The following ROBO2 variants were observed in gnomAD, a reference collection of about 807,000 sequenced individuals.
ROBO2 encodes the protein roundabout homolog 2.
Under a neutral mutation model 160.8 loss-of-function variants are expected in ROBO2, and 53 were observed. The observed-to-expected ratio is 0.33, with a 90% CI of 0.26 to 0.41. ROBO2 has a LOEUF of 0.41. Ranked by LOEUF, ROBO2 falls within the 10% of genes least tolerant of loss-of-function variation. The probability of loss-of-function intolerance (pLI) is 1.00; values close to 1 mark genes in which losing one functional copy is unlikely to be tolerated. For synonymous variants in ROBO2, 664 were observed against 611.7 expected (o/e 1.09, Z -1.26); for missense variants, 1,577 against 1,722.4 (o/e 0.92, Z 1.49).
chr3:76,421,528 A>G (rs2075995544), intron 2 of ROBO2, among the ~76,000 whole-genome samples: 1 of 152,010 alleles, frequency 6.6e-6, no homozygotes. Context: ...GGAGTGTGAC[A>G]CCAGCCTGAC....
intron 2 of ROBO2, among the ~76,000 whole-genome samples, chr3:76,214,856 A>T (rs1383980237): frequency 6.6e-6 from 1 of 152,210 alleles, no homozygotes; most frequent in Non-Finnish European, 1.5e-5. Flanking sequence ...GAACGGGCAG[A>T]CTGCCTCCTC....
chr3:75,932,053 G>T (rs544328846), intron 1 of ROBO2, among the ~76,000 whole-genome samples: 1 of 152,188 alleles, frequency 6.6e-6, no homozygotes, highest in South Asian at 2.1e-4. Flanking sequence ...TATGGGCCAG[G>T]GTATATAGTC....
chr3:77,067,207 T>C (rs1355842167), intron 1 of ROBO2, among the ~76,000 whole-genome samples: 1 of 152,158 alleles, frequency 6.6e-6, no homozygotes, highest in African/African-American at 2.4e-5. Context: ...CAAAACATCC[T>C]AACTGAAGCC....
At chr3:77,409,921 T>G (rs893017030) in intron 2 of ROBO2, among the ~76,000 whole-genome samples, 9 of 152,190 alleles carry the variant, frequency 5.9e-5, no homozygotes, top group African/African-American at 2.2e-4. Context: ...TAACTTGAAG[T>G]CTACAGATGT....
chr3:77,231,354 G>A (rs2087168723), intron 2 of ROBO2, among the ~76,000 whole-genome samples: 1 of 99,506 alleles, frequency 1.0e-5, no homozygotes, highest in Admixed American at 1.6e-4. Context: ...CAGTGAGTGA[G>A]ACTCCATCCA....
intron 2 of ROBO2, among the ~76,000 whole-genome samples, chr3:76,629,183 T>C (rs1028291846): frequency 6.6e-6 from 1 of 152,176 alleles, no homozygotes; most frequent in Non-Finnish European, 1.5e-5. Flanking sequence ...AAAAAAACAC[T>C]TGGATGTAAG....
intron 2 of ROBO2, among the ~76,000 whole-genome samples, chr3:77,266,834 G>A (rs2153347275): frequency 6.6e-6 from 1 of 152,196 alleles, no homozygotes; most frequent in African/African-American, 2.4e-5. Context: ...AGGTATTTAA[G>A]CATGTTGTTG....
At chr3:77,249,492 G>A (rs543152677) in intron 2 of ROBO2, among the ~76,000 whole-genome samples, 4 of 152,172 alleles carry the variant, frequency 2.6e-5, no homozygotes, top group Non-Finnish European at 5.9e-5. Context: ...AGCATCTCAC[G>A]GCACCTTTAA....
At chr3:77,583,176 G>GAAA (rs2093963899) in intron 16 of ROBO2, among the ~76,000 whole-genome samples, 10 of 143,338 alleles carry the variant, frequency 7.0e-5, no homozygotes, top group African/African-American at 2.1e-4. Context: ...AAAAAAAAAG[G>GAAA]AAAAAACATT....
At chr3:75,949,629 C>G (rs1948460912) in intron 2 of ROBO2, among the ~76,000 whole-genome samples, 1 of 151,906 alleles carries the variant, frequency 6.6e-6, no homozygotes, top group African/African-American at 2.4e-5. Flanking sequence ...AGTATTGGTG[C>G]CCCTGGAAAT....
At chr3:77,246,764 T>C (rs983178980) in intron 2 of ROBO2, among the ~76,000 whole-genome samples, 3 of 152,234 alleles carry the variant, frequency 2.0e-5, no homozygotes, top group African/African-American at 7.2e-5. Flanking sequence ...AACACTTTTT[T>C]TGTGGACAAT....
intron 2 of ROBO2, among the ~76,000 whole-genome samples, chr3:76,213,533 C>A (rs993329161): frequency 1.1e-4 from 16 of 151,962 alleles, no homozygotes; most frequent in African/African-American, 3.9e-4. Context: ...GTAGTGTATT[C>A]TTTTTTCTAA....
At chr3:76,173,817 T>C (rs2073128941) in intron 2 of ROBO2, among the ~76,000 whole-genome samples, 2 of 152,186 alleles carry the variant, frequency 1.3e-5, no homozygotes, top group Admixed American at 1.3e-4. Flanking sequence ...AGTGTTGCAA[T>C]AAACATATAT....
At chr3:76,276,675 G>A (rs530242988) in intron 2 of ROBO2, among the ~76,000 whole-genome samples, 3 of 152,104 alleles carry the variant, frequency 2.0e-5, no homozygotes, top group South Asian at 4.1e-4. Context: ...AATGAAGAAA[G>A]GCTTACCAAT....
At chr3:77,180,108 T>G (rs1393852140) in intron 2 of ROBO2, among the ~76,000 whole-genome samples, 1 of 151,896 alleles carries the variant, frequency 6.6e-6, no homozygotes, top group Non-Finnish European at 1.5e-5. Flanking sequence ...CCATGTTTAG[T>G]GTTGATGAGA....
At chr3:76,329,208 C>A (rs181933730) in intron 2 of ROBO2, among the ~76,000 whole-genome samples, 5 of 152,030 alleles carry the variant, frequency 3.3e-5, no homozygotes, top group African/African-American at 4.8e-5. Context: ...TGAAGGAGCC[C>A]GGGACTTTTT....
chr3:77,014,528 A>C lies in ROBO2; in HGVS notation c.110-83486A>C, dbSNP rs956532344. ...CCAGCAGTTTTCACACTCACTTTCT[A>C]AGATGCAAGACCCCTGAGAAAGTGT... is the stretch of plus-strand genomic sequence containing the variant. On this transcript the variant is annotated intron_variant, in intron 2 of 26. Transcript: ENST00000487694. Among the ~76,000 whole-genome samples the C allele has an allele frequency of 3.4e-4, 51 of 152,170 alleles. 1 individual carries two copies. Among genetic ancestry groups the C allele is most frequent in the Non-Finnish European group, 1.2e-4 (8 of 68,036 alleles).
chr3:77,244,444 G>A (rs1187926803), intron 2 of ROBO2, among the ~76,000 whole-genome samples: 2 of 152,286 alleles, frequency 1.3e-5, no homozygotes, highest in Non-Finnish European at 1.5e-5. Flanking sequence ...CAAAGTCAAA[G>A]TCAGGGATCC....
intron 2 of ROBO2, among the ~76,000 whole-genome samples, chr3:76,347,242 T>G (rs1334400169): frequency 6.6e-6 from 1 of 152,114 alleles, no homozygotes; most frequent in Admixed American, 6.6e-5. Flanking sequence ...TTCTCCTGCT[T>G]TGACCTGAGG....
Sources: gnomAD v4.1 joint callset for allele counts (sites outside exome capture counted in the v4.1 genomes callset) on GRCh38, gnomAD v4.1.1 for gene constraint, MANE v1.5 for transcripts, NCBI Gene and HGNC (gene_info 2026-07-23, HGNC 2026-07-21) for gene names.